STK32C: variants seen among roughly 807,000 people sequenced by gnomAD.
The protein encoded by STK32C is serine/threonine kinase 32C.
A neutral mutation model predicts 56.5 loss-of-function variants in STK32C; 31 were observed. That is an observed-to-expected ratio of 0.55 (90% confidence interval 0.41 to 0.74). The LOEUF is 0.74. Ranked by LOEUF, STK32C falls within the 30% of genes least tolerant of loss-of-function variation. The probability of loss-of-function intolerance (pLI) is 0.00; values close to 1 mark genes in which losing one functional copy is unlikely to be tolerated. For missense variants in STK32C, 544 were observed against 676.9 expected (o/e 0.80, Z 2.18); for synonymous variants, 309 against 289.4 (o/e 1.07, Z -0.69).
In STK32C at chr10:132,325,280, C is replaced by T. The variant is rs561724616; in HGVS notation, c.302-907G>A. Among the ~76,000 whole-genome samples the T allele has an allele frequency of 1.1e-4, 16 of 152,098 alleles. 1 individual carries two copies. The highest frequency in any genetic ancestry group is 1.9e-4 in the East Asian group (1 of 5,166). Reference sequence around the variant, plus strand: ...GAAAGAGGAGTTCCCCGGCCGGGCGCGGTGGCTCACACCTGTAATCCCAGC... The same window carrying T: ...GAAAGAGGAGTTCCCCGGCCGGGCGTGGTGGCTCACACCTGTAATCCCAGC... On this transcript the variant is annotated intron_variant, in intron 1 of 1. Transcript: ENST00000368619.
upstream of STK32C, among the ~76,000 whole-genome samples, chr10:132,312,253 C>T (rs889783087): frequency 1.3e-5 from 2 of 152,234 alleles, no homozygotes; most frequent in South Asian, 2.1e-4. Flanking sequence ...AAGAAATCCA[C>T]CCCACTCAGC....
intron 1 of STK32C, among the ~76,000 whole-genome samples, chr10:132,248,191 G>A (rs544363991): frequency 2.6e-5 from 4 of 152,382 alleles, no homozygotes; most frequent in Admixed American, 6.5e-5. Context: ...GCCATGTGGC[G>A]TCACCCAACG....
At chr10:132,208,224 C>A in intron 11 of STK32C, 73 bp from the exon 12 acceptor site, 1 of 1,273,668 alleles carries the variant, frequency 7.9e-7, no homozygotes, top group Non-Finnish European at 1.0e-6. Context: ...GACCTGCCCA[C>A]GGGCTCATGG....
At chr10:132,290,257 C>A (rs149089299) in intron 1 of STK32C, among the ~76,000 whole-genome samples, 1 of 152,202 alleles carries the variant, frequency 6.6e-6, no homozygotes, top group African/African-American at 2.4e-5. Context: ...CACTCATGGT[C>A]AAAACGCCCA....
chr10:132,285,150 G>A (rs113673523), intron 1 of STK32C, among the ~76,000 whole-genome samples: 23 of 90,878 alleles, frequency 2.5e-4, no homozygotes, highest in South Asian at 1.3e-3. Flanking sequence ...ACATTCCCAC[G>A]TCTGCCCAAA....
At chr10:132,210,815 T>G (rs1232897911) in intron 10 of STK32C, among the ~76,000 whole-genome samples, 1 of 152,208 alleles carries the variant, frequency 6.6e-6, no homozygotes, top group Non-Finnish European at 1.5e-5. Flanking sequence ...GGCAGTGCCC[T>G]CCGTGTCTCT....
rs1244603573 is a variant in STK32C at position 132,222,932 on chromosome 10, C to G, written c.1048G>C (p.Ala350Pro). 6.4e-7 allele frequency: 1 copy of G among 1,556,820 alleles called. No homozygotes were observed. Among genetic ancestry groups the G allele is most frequent in the African/African-American group, 1.4e-5 (1 of 73,398 alleles). The change falls in exon 9 of 12, where the codon GCC becomes CCC. Residue 350 changes from alanine to proline, a missense_variant. By Grantham distance (27) the Ala-to-Pro change is conservative. Around this residue, in one of 3 missense-constraint regions of STK32C, gnomAD observed 277 missense variants for 309.3 expected, o/e 0.90. Coordinates refer to ENST00000298630, the MANE Select transcript of STK32C (RefSeq NM_173575.4). ...CACAGCACGCCGGCCAGCGCCGGGG[C>G]TGCCTGCACGTCCTGGAGGCTGGAG... is the stretch of plus-strand genomic sequence containing the variant. ...RLSSLQDVQA[A>P]PALAGVLWDH...
chr10:132,264,792 T>C (rs896443996), intron 1 of STK32C, among the ~76,000 whole-genome samples: 3 of 151,922 alleles, frequency 2.0e-5, no homozygotes, highest in Non-Finnish European at 4.4e-5. Context: ...ACGAGTTTCC[T>C]CGGTGGGAGG....
intron 1 of STK32C, among the ~76,000 whole-genome samples, chr10:132,303,879 G>A (rs1013410008): frequency 6.6e-6 from 1 of 152,192 alleles, no homozygotes; most frequent in Non-Finnish European, 1.5e-5. Context: ...GCAGCAGGTG[G>A]TCTGGTTCTC....
chr10:132,313,790 G>A (rs1418496743), intron 1 of STK32C, among the ~76,000 whole-genome samples: 1 of 151,610 alleles, frequency 6.6e-6, no homozygotes, highest in Non-Finnish European at 1.5e-5. Context: ...AGTGGCAAGA[G>A]ACGAAGGCTA....
chr10:132,266,263 G>A (rs1362040640), intron 1 of STK32C, among the ~76,000 whole-genome samples: 1 of 152,194 alleles, frequency 6.6e-6, no homozygotes, highest in Non-Finnish European at 1.5e-5. Flanking sequence ...GTTTGTGTGA[G>A]TTCAAGAACA....
intron 2 of STK32C, among the ~76,000 whole-genome samples, chr10:132,230,353 C>G (rs1305529513): frequency 6.6e-6 from 1 of 152,234 alleles, no homozygotes; most frequent in Non-Finnish European, 1.5e-5. Flanking sequence ...CGGCCTTCCT[C>G]CCATGCACAC....
chr10:132,304,037 G>A lies in STK32C; in HGVS notation c.262+3535C>T, dbSNP rs1164844477. ...AGGGACCAATTGAGCGGCCACACGT[G>A]TTAAGGTATTTCACACGGACCCCTT... On this transcript the variant is annotated intron_variant, in intron 1 of 11. Transcript: ENST00000298630. Among the ~76,000 whole-genome samples, 4 of 152,246 alleles carry A rather than the reference G, an allele frequency of 2.6e-5. No homozygotes were observed. In the East Asian group the frequency reaches 7.7e-4, roughly 29 times the overall value.
At chr10:132,256,538 T>A (rs1352817982) in intron 1 of STK32C, among the ~76,000 whole-genome samples, 1 of 152,158 alleles carries the variant, frequency 6.6e-6, no homozygotes, top group Non-Finnish European at 1.5e-5. Context: ...TGGCAGAGGC[T>A]CAGGCCTGAG....
intron 1 of STK32C, among the ~76,000 whole-genome samples, chr10:132,253,574 G>GGAGGGAGCTGGAGGGAGCTGGAGGGAGCC: frequency 7.8e-6 from 1 of 127,888 alleles, no homozygotes; most frequent in Non-Finnish European, 1.6e-5. Flanking sequence ...CGAGGGAGCT[G>GGAGGGAGCTGGAGGGAGCTGGAGGGAGCC]GAGGGAGCTG....
intron 1 of STK32C, among the ~76,000 whole-genome samples, chr10:132,257,665 C>T (rs2064170272): frequency 6.6e-6 from 1 of 151,808 alleles, no homozygotes; most frequent in African/African-American, 2.4e-5. Flanking sequence ...CCTCTGTCCC[C>T]AGGGGCGCCC....
chr10:132,225,410 T>C (rs758349598), intron 6 of STK32C, 74 bp from the exon 7 acceptor site: 3 of 1,584,670 alleles, frequency 1.9e-6, no homozygotes, highest in Non-Finnish European at 1.7e-6. Flanking sequence ...GGCCGGCACC[T>C]TGAGGCCACA....
chr10:132,290,731 C>A (rs1186111700), intron 1 of STK32C, among the ~76,000 whole-genome samples: 2 of 152,212 alleles, frequency 1.3e-5, no homozygotes, highest in East Asian at 3.9e-4. Flanking sequence ...CCTGAGGGCC[C>A]AAGGCTCTAC....
intron 2 of STK32C, among the ~76,000 whole-genome samples, chr10:132,231,783 T>C (rs4880351): frequency 0.72 from 109,729 of 152,122 alleles, 39,817 homozygotes; most frequent in Admixed American, 0.79. Flanking sequence ...GCAGAGGCAG[T>C]GATGTGAAGA....
Sources: allele counts gnomAD v4.1 joint callset (sites outside exome capture counted in the v4.1 genomes callset), GRCh38; gene constraint gnomAD v4.1.1; regional missense constraint gnomAD v4.1.1; transcripts MANE v1.5; gene names NCBI Gene and HGNC (gene_info 2026-07-23, HGNC 2026-07-21).